Variants in SNED1 observed in about 807,000 individuals in gnomAD.
SNED1 encodes sushi, nidogen and EGF like domains 1.
A neutral mutation model predicts 166.7 loss-of-function variants in SNED1; 81 were observed. That is an observed-to-expected ratio of 0.49 (90% CI 0.41 to 0.58). The LOEUF is 0.58. Among genes scored for constraint, SNED1 ranks in the 20% least tolerant of loss-of-function variants. The probability of loss-of-function intolerance (pLI) is 0.00; values close to 1 mark genes in which losing one functional copy is unlikely to be tolerated. For missense variants in SNED1, 1,604 were observed against 2,000.2 expected (o/e 0.80, Z 3.78); for synonymous variants, 762 against 822.0 (o/e 0.93, Z 1.25).
chr2:241,037,322 G>C lies in SNED1; in HGVS notation c.1014G>C (p.Pro338=). Residue 338 remains proline, a synonymous_variant, in exon 6 of 32, where the codon CCG becomes CCC. Coordinates refer to ENST00000310397, the MANE Select transcript of SNED1 (RefSeq NM_001080437.3). The part of the protein sequence containing the change: ...HGINSFRCQC[P]AGFGGPTCET... Reference sequence around the variant, plus strand: ...TCAACAGTTTCCGCTGCCAGTGCCCGGCTGGCTTTGGGGGACCCACCTGTG... The same window carrying C: ...TCAACAGTTTCCGCTGCCAGTGCCCCGCTGGCTTTGGGGGACCCACCTGTG... 1 of 1,609,758 alleles carries C rather than the reference G, an allele frequency of 6.2e-7. No individual in the cohort carries two copies. The highest frequency in any genetic ancestry group is 1.7e-4 in the Middle Eastern group (1 of 6,054).
At chr2:241,057,434 A>G (rs188773392) in intron 16 of SNED1, among the ~76,000 whole-genome samples, 2 of 145,086 alleles carry the variant, frequency 1.4e-5, no homozygotes, top group Non-Finnish European at 3.0e-5. Context: ...TGGCTCACAC[A>G]TATAATGGGA....
chr2:241,018,674 G>A lies in SNED1; in HGVS notation c.214-11610G>A, dbSNP rs1469060853. Among the ~76,000 whole-genome samples the A allele has an allele frequency of 6.6e-6, 1 of 152,210 alleles. No homozygotes were observed. Among genetic ancestry groups the A allele is most frequent in the African/African-American group, 2.4e-5 (1 of 41,452 alleles). ...CAGGAGCACCCGTGTGAGAGCCACA[G>A]AGACGCCCTGCTCCCAGGCTGGCAC... is the stretch of plus-strand genomic sequence containing the variant. On this transcript the variant is annotated intron_variant, in intron 1 of 31. Transcript: ENST00000310397. The surrounding 1 kb of genome is among the most constrained non-coding windows in gnomAD (Gnocchi z 5.4).
At chr2:241,061,864 AAAAG>A (rs2062242684) in intron 16 of SNED1, among the ~76,000 whole-genome samples, 2 of 152,016 alleles carry the variant, frequency 1.3e-5, no homozygotes, top group South Asian at 4.1e-4. Flanking sequence ...CAAAAAAAAA[AAAAG>A]AAAAAAAGAA....
chr2:241,078,111 G>A (rs13427392), intron 27 of SNED1, among the ~76,000 whole-genome samples: 3,266 of 152,218 alleles, frequency 0.021, 117 homozygotes, highest in African/African-American at 0.074. Flanking sequence ...GTGGCCGGGC[G>A]CGGTGGCTCA....
intron 8 of SNED1, 123 bp from the exon 9 acceptor site, chr2:241,048,192 C>G: frequency 8.3e-7 from 1 of 1,207,706 alleles, no homozygotes; most frequent in Non-Finnish European, 1.1e-6. Flanking sequence ...AAGCTTCTGG[C>G]TTAAATTCCA....
chr2:241,015,923 G>A (rs1006355382), intron 1 of SNED1: 7 of 152,208 alleles, frequency 4.6e-5, no homozygotes, highest in African/African-American at 1.4e-4. Flanking sequence ...CCTTCTCCTT[G>A]TATTCCCAGC....
Position 241,068,804 on chromosome 2 carries a change from T to G in SNED1, c.3195-107T>G. 1.4e-6 allele frequency: 1 copy of G among 727,854 alleles called. No homozygotes were observed. Among genetic ancestry groups the G allele is most frequent in the East Asian group, 2.8e-5 (1 of 35,980 alleles). The allele number at this position is 727,854 out of a possible 1,614,324, so 45.1% of individuals were successfully genotyped here. A position where few individuals can be genotyped will look rare whatever the true frequency, so the allele number is the denominator to read the frequency against. On this transcript the variant is annotated intron_variant, in intron 22 of 31. Transcript: ENST00000310397. This position sits in a 1 kb window ranked among gnomAD's most constrained non-coding sequence, Gnocchi z 5.3. ...GTTGCCTGGGCCACCAGCAGCAGGA[T>G]GACCTCCCCGCAGTCACCTCCTGCC...
In SNED1 at chr2:241,072,042, C is replaced by T. The variant is rs185219816; in HGVS notation, c.3817+164C>T. On this transcript the variant is annotated intron_variant, in intron 26 of 31. Coordinates refer to ENST00000310397, the MANE Select transcript of SNED1 (RefSeq NM_001080437.3). ...GTGCACAAGGCGCGGGGCTCGTGGG[C>T]CGCCGGCAGCATGCACCTCCATGGC... 3 of 725,792 alleles carry T rather than the reference C, an allele frequency of 4.1e-6. No homozygotes were observed. In the South Asian group the frequency reaches 4.5e-5, roughly 11 times the overall value. 45.0% of individuals were successfully genotyped at this position (725,792 alleles called of 1,614,324 possible). A position where few individuals can be genotyped will look rare whatever the true frequency, so the allele number is the denominator to read the frequency against.
At position 241,073,541 on chromosome 2, in the gene SNED1, C is replaced by A; in HGVS notation, c.3916+177C>A. The A allele has an allele frequency of 1.5e-6, 1 of 650,258 alleles. No homozygotes were observed. Among genetic ancestry groups the A allele is most frequent in the South Asian group, 1.8e-5 (1 of 56,430 alleles). 40.3% of individuals were successfully genotyped at this position (650,258 alleles called of 1,614,324 possible). A position where few individuals can be genotyped will look rare whatever the true frequency, so the allele number is the denominator to read the frequency against. On this transcript the variant is annotated intron_variant, in intron 27 of 31. Coordinates refer to ENST00000310397, the MANE Select transcript of SNED1 (RefSeq NM_001080437.3). The surrounding 1 kb of genome is among the most constrained non-coding windows in gnomAD (Gnocchi z 6.6). ...GAAGATGGGGTGAAGCTACACCACCCAAGCAGTGGGACCCCACAGACGGGA... is the reference window on the plus strand; with the variant it reads ...GAAGATGGGGTGAAGCTACACCACCAAAGCAGTGGGACCCCACAGACGGGA...
At chr2:241,041,730 C>T (rs1220414415) in intron 8 of SNED1, among the ~76,000 whole-genome samples, 2 of 151,994 alleles carry the variant, frequency 1.3e-5, no homozygotes, top group Non-Finnish European at 2.9e-5. Context: ...AACAGACTGA[C>T]GGTGGTGCTA....
In SNED1 at chr2:241,095,456, T is replaced by G. The variant is rs1265605752; in HGVS notation, c.*3820T>G. ...TGAATTAACTTCTTTTACTCTGCTG[T>G]GCACTGAATACCATTATGAAGCAAT... On this transcript the variant is annotated 3_prime_UTR_variant, in exon 32 of 32. Transcript: ENST00000310397. The G allele has an allele frequency of 6.4e-6, 1 of 156,634 alleles. No homozygotes were observed. The highest frequency in any genetic ancestry group is 1.9e-4 in the East Asian group (1 of 5,262). 9.7% of individuals were successfully genotyped at this position (156,634 alleles called of 1,614,324 possible).
Position 241,064,872 on chromosome 2 carries a change from T to G in SNED1, c.2628T>G (p.Cys876Trp). The change falls in exon 20 of 32, where the codon TGT (cysteine) becomes TGG (tryptophan). Residue 876 changes from cysteine (C) to tryptophan (W), a missense_variant. Cys to Trp is a radical substitution (Grantham distance 215). This residue lies in a region of SNED1 where 1,237 missense variants were observed against 1,620.8 expected (regional missense o/e 0.76). Transcript: ENST00000310397. The surrounding 1 kb of genome is among the most constrained non-coding windows in gnomAD (Gnocchi z 7.0). ...TVSDPCFSSPCGGRGYCLASN... is the reference protein window; with the variant it reads ...TVSDPCFSSPWGGRGYCLASN... ...GTGACCCCTGCTTCTCCAGCCCCTG[T>G]GGGGGCCGTGGCTATTGCCTGGCCA... 6.3e-7 allele frequency: 1 copy of G among 1,590,740 alleles called. No individual in the cohort carries two copies. Among genetic ancestry groups the G allele is most frequent in the Non-Finnish European group, 8.5e-7 (1 of 1,173,122 alleles).
At chr2:241,025,616 C>T (rs1243885442) in intron 1 of SNED1, among the ~76,000 whole-genome samples, 2 of 152,146 alleles carry the variant, frequency 1.3e-5, no homozygotes, top group African/African-American at 4.8e-5. Flanking sequence ...TCTGATCTTA[C>T]ATTTCCCTCT....
At chr2:241,071,463 C>G (rs1410824361) in intron 24 of SNED1, 113 bp from the exon 25 acceptor site, 2 of 1,277,316 alleles carry the variant, frequency 1.6e-6, no homozygotes, top group East Asian at 5.1e-5. Flanking sequence ...CACATGCCCC[C>G]CTTCCCTTCT....
Position 241,062,987 on chromosome 2 carries a change from CTCTG to C in SNED1, c.2371+88_2371+91del, listed in dbSNP as rs1328705658. On this transcript the variant is annotated intron_variant, in intron 17 of 31. Transcript: ENST00000310397. ...GAGGCACTGGGTCCCCCGGACAGGTCTCTGTCTGGATGGCCAGGGTGGCCACTGC... is the reference window on the plus strand; with the variant it reads ...GAGGCACTGGGTCCCCCGGACAGGTCTCTGGATGGCCAGGGTGGCCACTGC... The C allele has an allele frequency of 3.6e-5, 32 of 881,906 alleles. No individual in the cohort carries two copies. The East Asian group carries it at 5.1e-4, about 14-fold the overall frequency. The allele number at this position is 881,906 out of a possible 1,614,324, so 54.6% of individuals were successfully genotyped here.
In SNED1 at chr2:241,048,692, G is replaced by A; in HGVS notation, c.1430G>A (p.Gly477Glu). 1 of 1,612,542 alleles carries A rather than the reference G, an allele frequency of 6.2e-7. No individual in the cohort carries two copies. Among genetic ancestry groups the A allele is most frequent in the Non-Finnish European group, 8.5e-7 (1 of 1,179,416 alleles). The stretch of plus-strand genomic sequence containing the variant: ...CCCGATGACTGTGAGTGCCGCAACG[G>A]AGGCAGATGCCTGGGCGCCAACACC... Reference protein sequence around the residue: ...RVPDDCECRNGGRCLGANTTL... With the variant: ...RVPDDCECRNEGRCLGANTTL... The change falls in exon 10 of 32, where the codon GGA becomes GAA. Residue 477 changes from glycine (G) to glutamate (E), a missense_variant. Coordinates refer to ENST00000310397, the MANE Select transcript of SNED1 (RefSeq NM_001080437.3).
chr2:241,015,922 T>C (rs34966870), intron 1 of SNED1: 44,175 of 152,186 alleles, frequency 0.29, 6,741 homozygotes, highest in Non-Finnish European at 0.35. Flanking sequence ...GCCTTCTCCT[T>C]GTATTCCCAG....
At chr2:241,082,523 T>C (rs920175781) in intron 29 of SNED1, among the ~76,000 whole-genome samples, 159 bp downstream of exon 29, 4 of 152,132 alleles carry the variant, frequency 2.6e-5, no homozygotes, top group Admixed American at 6.5e-5. Context: ...TGTCACAAAT[T>C]AGGCAGCTGA....
At chr2:241,077,439 A>C (rs1400885075) in intron 27 of SNED1, among the ~76,000 whole-genome samples, 8 of 152,182 alleles carry the variant, frequency 5.3e-5, no homozygotes. Flanking sequence ...TCAAAACTTA[A>C]AACTTCTGTG....
Sources: allele counts gnomAD v4.1 joint callset (sites outside exome capture counted in the v4.1 genomes callset), GRCh38; gene constraint gnomAD v4.1.1; regional missense constraint gnomAD v4.1.1; non-coding constraint Gnocchi (gnomAD v3.1); transcripts MANE v1.5; gene names NCBI Gene and HGNC (gene_info 2026-07-23, HGNC 2026-07-21).